Variants in TRRAP observed in about 807,000 individuals in gnomAD.
The protein encoded by TRRAP is transformation/transcription domain-associated protein.
Under a neutral mutation model 438.8 loss-of-function variants are expected in TRRAP, and 41 were observed. That is an observed-to-expected ratio of 0.09 (90% CI 0.07 to 0.12). The LOEUF (loss-of-function observed/expected upper bound fraction) is 0.12. Ranked by LOEUF, TRRAP falls within the 10% of genes least tolerant of loss-of-function variation. The probability of loss-of-function intolerance (pLI) is 1.00; values close to 1 mark genes in which losing one functional copy is unlikely to be tolerated. For synonymous variants in TRRAP, 1,994 were observed against 1,962.9 expected (o/e 1.02, Z -0.42); for missense variants, 3,122 against 5,055.1 (o/e 0.62, Z 11.60).
In TRRAP at chr7:98,892,456, T is replaced by C. The variant is rs1292889039; in HGVS notation, c.294T>C (p.His98=). 3 of 1,612,072 alleles carry C rather than the reference T, an allele frequency of 1.9e-6. No individual in the cohort carries two copies. The highest frequency in any genetic ancestry group is 1.3e-5 in the African/African-American group (1 of 74,836). The change falls in exon 5 of 73, where the codon CAT becomes CAC. Residue 98 remains histidine, a synonymous_variant. Coordinates refer to ENST00000456197, the MANE Select transcript of TRRAP (RefSeq NM_001375524.1). ...GGAAGCTCGTACTTGAAATAATTCA[T>C]AGAATACCAACCAACGAACATCTTC... ...QLRKLVLEII[H]RIPTNEHLRP... is the part of the protein sequence containing the mutation.
At chr7:98,920,660 C>T (rs1037612129) in intron 20 of TRRAP, among the ~76,000 whole-genome samples, 21 of 152,092 alleles carry the variant, frequency 1.4e-4, no homozygotes, top group Non-Finnish European at 2.6e-4. Flanking sequence ...GAGGTGCCTT[C>T]GTGATCTGTG....
chr7:98,992,191 A>T lies in TRRAP; in HGVS notation c.9811A>T (p.Thr3271Ser). Residue 3271 changes from threonine (T) to serine (S), a missense_variant, in exon 65 of 73, where the codon ACC (threonine) becomes TCC (serine). Physicochemically the swap from Thr to Ser is moderately conservative, Grantham distance 58. Transcript: ENST00000456197. ...VYFPIRTLYL[T>S]LKIEQRERYK... is the part of the protein sequence containing the mutation. The stretch of plus-strand genomic sequence containing the variant: ...CTTTCCCATCCGGACCCTGTACCTG[A>T]CCCTGAAAATAGAACAGCGGGAACG... 1 of 1,614,076 alleles carries T rather than the reference A, an allele frequency of 6.2e-7. No individual in the cohort carries two copies. Among genetic ancestry groups the T allele is most frequent in the South Asian group, 1.1e-5 (1 of 91,074 alleles).
intron 19 of TRRAP, 61 bp downstream of exon 19, chr7:98,915,949 C>T: frequency 1.9e-6 from 3 of 1,588,114 alleles, no homozygotes; most frequent in Non-Finnish European, 2.6e-6. Flanking sequence ...TGTGTCTAGC[C>T]ATCCTGATTG....
Position 99,005,610 on chromosome 7 carries a change from G to A in TRRAP, c.10753+262G>A, listed in dbSNP as rs546712531. On this transcript the variant is annotated intron_variant, in intron 69 of 72. Coordinates refer to ENST00000456197, the MANE Select transcript of TRRAP (RefSeq NM_001375524.1). The surrounding 1 kb of genome is among the most constrained non-coding windows in gnomAD (Gnocchi z 5.1). The stretch of plus-strand genomic sequence containing the variant: ...CTTGTCCAACCTGCGGGCTCCATGG[G>A]GCCCACGATGCCTTTGAATGTGGTT... 2.6e-5 allele frequency among the ~76,000 whole-genome samples: 4 copies of A among 152,300 alleles called. No homozygotes were observed. Among genetic ancestry groups the A allele is most frequent in the African/African-American group, 7.2e-5 (3 of 41,574 alleles).
In TRRAP at chr7:98,976,891, A is replaced by G. The variant is rs1313063565; in HGVS notation, c.8248-48A>G. 12 of 1,607,538 alleles carry G rather than the reference A, an allele frequency of 7.5e-6. No individual in the cohort carries two copies. The highest frequency in any genetic ancestry group is 9.4e-6 in the Non-Finnish European group (11 of 1,176,136). ...CAGTGAAACTATTTTTAGGGGGGAAAAAAAGTCTCTGTCTCAAGCACTCAG... is the reference window on the plus strand; with the variant it reads ...CAGTGAAACTATTTTTAGGGGGGAAGAAAAGTCTCTGTCTCAAGCACTCAG... On this transcript the variant is annotated intron_variant, in intron 55 of 72. Coordinates refer to ENST00000456197, the MANE Select transcript of TRRAP (RefSeq NM_001375524.1). The surrounding 1 kb of genome is among the most constrained non-coding windows in gnomAD (Gnocchi z 4.6).
At chr7:98,886,287 A>AT (rs1333388394) in intron 3 of TRRAP, among the ~76,000 whole-genome samples, 2 of 151,962 alleles carry the variant, frequency 1.3e-5, no homozygotes, top group African/African-American at 2.4e-5. Flanking sequence ...ATCTATATCT[A>AT]TATCTATCTA....
At chr7:99,001,736 C>T (rs1384267908) in intron 67 of TRRAP, among the ~76,000 whole-genome samples, 1 of 152,148 alleles carries the variant, frequency 6.6e-6, no homozygotes, top group African/African-American at 2.4e-5. Flanking sequence ...AGCAGAGCTG[C>T]ATGTGTGGGC....
chr7:98,886,303 GATATAGATATCT>G (rs1473952136), intron 3 of TRRAP, among the ~76,000 whole-genome samples: 2 of 150,398 alleles, frequency 1.3e-5, no homozygotes, highest in African/African-American at 2.5e-5. Context: ...ATCTATCATA[GATATAGATATCT>G]ATATAGATAG....
intron 50 of TRRAP, 123 bp downstream of exon 50, chr7:98,967,285 T>C: frequency 2.9e-6 from 4 of 1,387,736 alleles, no homozygotes; most frequent in Non-Finnish European, 3.9e-6. Context: ...TTCATTTAAA[T>C]GCTAAATTGT....
Position 98,950,106 on chromosome 7 carries a change from A to C in TRRAP, c.5178A>C (p.Arg1726=). ...GDIELLFQLL[R]AFTGRFLCNM... ...TAGAATTGCTGTTCCAGCTGCTCCG[A>C]GCCTTTACTGGTCGTTTTCTCTGCA... Residue 1726 remains arginine, a synonymous_variant, in exon 38 of 73, where the codon CGA becomes CGC. Coordinates refer to ENST00000456197, the MANE Select transcript of TRRAP (RefSeq NM_001375524.1). The C allele has an allele frequency of 6.2e-7, 1 of 1,614,238 alleles. No individual in the cohort carries two copies. Among genetic ancestry groups the C allele is most frequent in the Non-Finnish European group, 8.5e-7 (1 of 1,180,052 alleles).
chr7:98,881,386 A>C, intron 2 of TRRAP, 136 bp downstream of exon 2: 1 of 684,442 alleles, frequency 1.5e-6, no homozygotes, highest in Non-Finnish European at 2.3e-6. Flanking sequence ...TAGCCTGGCC[A>C]ACATGGTGAA....
intron 43 of TRRAP, among the ~76,000 whole-genome samples, chr7:98,957,715 A>G (rs2116647038): frequency 6.6e-6 from 1 of 152,076 alleles, no homozygotes; most frequent in East Asian, 1.9e-4. Context: ...TCTCAACCTA[A>G]AGACCTCCCT....
chr7:98,959,293 T>G, intron 44 of TRRAP, 51 bp from the exon 45 acceptor site: 2 of 1,600,108 alleles, frequency 1.2e-6, no homozygotes, highest in Non-Finnish European at 1.7e-6. Context: ...CTGGAATGAC[T>G]GTAAACTCGG....
Position 98,958,004 on chromosome 7 carries a change from A to G in TRRAP, c.6255A>G (p.Leu2085=). 1 of 1,614,140 alleles carries G rather than the reference A, an allele frequency of 6.2e-7. No individual in the cohort carries two copies. Among genetic ancestry groups the G allele is most frequent in the Non-Finnish European group, 8.5e-7 (1 of 1,180,018 alleles). Residue 2085 remains leucine (L), a synonymous_variant, in exon 44 of 73, where the codon CTA becomes CTG. Coordinates refer to ENST00000456197, the MANE Select transcript of TRRAP (RefSeq NM_001375524.1). ...ISAVFGRSQS[L]PGADSLLAKP... Reference sequence around the variant, plus strand: ...AGGTCTTTGGGAGGAGCCAGTCGCTACCTGGAGCAGACTCTCTCCTCGCCA... The same window carrying G: ...AGGTCTTTGGGAGGAGCCAGTCGCTGCCTGGAGCAGACTCTCTCCTCGCCA...
intron 14 of TRRAP, among the ~76,000 whole-genome samples, chr7:98,909,765 G>A (rs535737821): frequency 4.3e-4 from 63 of 145,056 alleles, no homozygotes; most frequent in African/African-American, 1.5e-3. Flanking sequence ...CATGCAAAAC[G>A]GATATGGTAT....
chr7:98,928,725 T>A (rs542240681), intron 23 of TRRAP, among the ~76,000 whole-genome samples: 124 of 152,242 alleles, frequency 8.1e-4, no homozygotes, highest in Non-Finnish European at 1.2e-3. Context: ...ATAATTTTTT[T>A]AAAAAATGTT....
chr7:98,977,716 G>A (rs1232570508), intron 56 of TRRAP, among the ~76,000 whole-genome samples: 1 of 152,172 alleles, frequency 6.6e-6, no homozygotes, highest in African/African-American at 2.4e-5. Context: ...ACCATTTCAG[G>A]GTGCAATTCC....
At chr7:98,977,281 C>T (rs1792703996) in intron 56 of TRRAP, among the ~76,000 whole-genome samples, 1 of 152,208 alleles carries the variant, frequency 6.6e-6, no homozygotes, top group Non-Finnish European at 1.5e-5. Context: ...CCTGCCTCAG[C>T]CTCCCAAGTA....
rs761798003 is a variant in TRRAP at position 98,976,108 on chromosome 7, C to G, written c.7840-41C>G. 1 of 1,609,854 alleles carries G rather than the reference C, an allele frequency of 6.2e-7. No individual in the cohort carries two copies. The highest frequency in any genetic ancestry group is 8.5e-7 in the Non-Finnish European group (1 of 1,177,598). On this transcript the variant is annotated intron_variant, in intron 53 of 72. Coordinates refer to ENST00000456197, the MANE Select transcript of TRRAP (RefSeq NM_001375524.1). The surrounding 1 kb of genome is among the most constrained non-coding windows in gnomAD (Gnocchi z 4.6). ...TGAGCGTGGTTGTGCGAGGCACCCC[C>G]AGCCCGTGGCCATCTCAGCCTGTTG... is the stretch of plus-strand genomic sequence containing the variant.
Sources: allele counts gnomAD v4.1 joint callset (sites outside exome capture counted in the v4.1 genomes callset), GRCh38; gene constraint gnomAD v4.1.1; non-coding constraint Gnocchi (gnomAD v3.1); transcripts MANE v1.5; gene names NCBI Gene and HGNC (gene_info 2026-07-23, HGNC 2026-07-21).